ACADSB: variants seen among roughly 807,000 people sequenced by gnomAD.
The protein encoded by ACADSB is short/branched chain specific acyl-CoA dehydrogenase, mitochondrial.
Under a neutral mutation model 54.1 loss-of-function variants are expected in ACADSB, and 40 were observed. The observed-to-expected ratio is 0.74, with a 90% CI of 0.57 to 0.96. ACADSB has a LOEUF of 0.96. Ranked by LOEUF, ACADSB falls within the 40% of genes least tolerant of loss-of-function variation. The probability of loss-of-function intolerance (pLI) is 0.00; values close to 1 mark genes in which losing one functional copy is unlikely to be tolerated. For synonymous variants in ACADSB, 182 were observed against 182.8 expected (o/e 1.00, Z 0.03); for missense variants, 530 against 510.4 (o/e 1.04, Z -0.37).
At chr10:123,021,019 A>T (rs139478089) in intron 1 of ACADSB, among the ~76,000 whole-genome samples, 3 of 152,138 alleles carry the variant, frequency 2.0e-5, no homozygotes, top group African/African-American at 7.2e-5. Flanking sequence ...TAAATAAATA[A>T]ATACATACAT....
At position 123,034,362 on chromosome 10, in the gene ACADSB, A is replaced by T; in HGVS notation, c.49A>T (p.Arg17Ter). 6.2e-7 allele frequency: 1 copy of T among 1,613,806 alleles called. No homozygotes were observed. The highest frequency in any genetic ancestry group is 1.1e-5 in the South Asian group (1 of 91,080). ...RLLRGSRLLR[R>*]NFLTCLSSWK... Reference sequence around the variant, plus strand: ...GTGTGTATGTTCCCTACAGCTAAGAAGAAATTTCCTGACTTGTTTGTCTTC... The same window carrying T: ...GTGTGTATGTTCCCTACAGCTAAGATGAAATTTCCTGACTTGTTTGTCTTC... The change falls in exon 2 of 11, where the codon AGA (arginine) becomes TGA (stop). Residue 17 changes from arginine to a stop codon, truncating the protein, a stop_gained. Coordinates refer to ENST00000358776, the MANE Select transcript of ACADSB (RefSeq NM_001609.4). LOFTEE classifies it high-confidence loss of function.
intron 9 of ACADSB, among the ~76,000 whole-genome samples, chr10:123,051,881 C>T (rs148452863): frequency 6.8e-4 from 104 of 152,278 alleles, no homozygotes; most frequent in Non-Finnish European, 1.2e-3. Flanking sequence ...AGAACCTGAG[C>T]GTCATCTTGG....
Position 123,056,142 on chromosome 10 carries a change from T to C in ACADSB, c.*2377T>C. The stretch of plus-strand genomic sequence containing the variant: ...AAACTTGCTTTCATATTTTTGGCTA[T>C]CTTTTCAGCAATGCCCCACTCTACT... On this transcript the variant is annotated 3_prime_UTR_variant, in exon 11 of 11. Coordinates refer to ENST00000358776, the MANE Select transcript of ACADSB (RefSeq NM_001609.4). The C allele has an allele frequency of 6.3e-6, 1 of 157,626 alleles. No homozygotes were observed. The allele number at this position is 157,626 out of a possible 1,614,324, so 9.8% of individuals were successfully genotyped here.
In ACADSB at chr10:123,047,329, T is replaced by C. The variant is rs59973613; in HGVS notation, c.990+31T>C. 1,390 of 1,428,458 alleles carry C rather than the reference T, an allele frequency of 9.7e-4. 7 individuals carry two copies. In the African/African-American group the frequency reaches 0.017, roughly 18 times the overall value. The allele number at this position is 1,428,458 out of a possible 1,614,324, so 88.5% of individuals were successfully genotyped here. ...TAATTATTAGGGTCTTTCTGCTGTG[T>C]TAGACTTCCCCAGCTTCCTGTTAAT... On this transcript the variant is annotated intron_variant, in intron 8 of 10. Coordinates refer to ENST00000358776, the MANE Select transcript of ACADSB (RefSeq NM_001609.4).
intron 8 of ACADSB, among the ~76,000 whole-genome samples, chr10:123,049,937 A>G (rs7906723): frequency 0.98 from 149,809 of 152,328 alleles, 73,721 homozygotes; most frequent in Middle Eastern, 1. Context: ...CTTGAAATAT[A>G]CCATAAAGTG....
rs1371152121 is a variant in ACADSB at position 123,052,133 on chromosome 10, G to A, written c.1129-928G>A. 6.6e-6 allele frequency among the ~76,000 whole-genome samples: 1 copy of A among 152,088 alleles called. No individual in the cohort carries two copies. Among genetic ancestry groups the A allele is most frequent in the Non-Finnish European group, 1.5e-5 (1 of 68,028 alleles). ...CCTTCAGTGGCTTCTCACAACAAAT[G>A]GAGCTCTATCTGTACTAGATTCCAA... is the stretch of plus-strand genomic sequence containing the variant. On this transcript the variant is annotated intron_variant, in intron 9 of 10. Transcript: ENST00000358776. The surrounding 1 kb of genome is among the most constrained non-coding windows in gnomAD (Gnocchi z 4.2).
intron 1 of ACADSB, among the ~76,000 whole-genome samples, chr10:123,024,607 C>G (rs908417540): frequency 6.6e-6 from 1 of 152,238 alleles, no homozygotes; most frequent in Admixed American, 6.5e-5. Context: ...TGTAGGGTGT[C>G]CAGGTTCTTG....
At chr10:123,024,938 C>T (rs117821138) in intron 1 of ACADSB, among the ~76,000 whole-genome samples, 2,090 of 152,260 alleles carry the variant, frequency 0.014, 16 homozygotes, top group Non-Finnish European at 0.02. Flanking sequence ...CTAGGAAACC[C>T]TTAGGTTCCC....
chr10:123,037,132 T>C (rs1415534675), intron 2 of ACADSB, among the ~76,000 whole-genome samples: 1 of 152,190 alleles, frequency 6.6e-6, no homozygotes, highest in Non-Finnish European at 1.5e-5. Context: ...TGGCAGCTAG[T>C]GGGGCCGTGG....
At chr10:123,048,789 C>T (rs988474491) in intron 8 of ACADSB, among the ~76,000 whole-genome samples, 4 of 152,006 alleles carry the variant, frequency 2.6e-5, no homozygotes, top group South Asian at 2.1e-4. Flanking sequence ...AGTGCAGGGG[C>T]GCTATCTTGG....
intron 8 of ACADSB, among the ~76,000 whole-genome samples, chr10:123,048,666 C>T (rs1850591391): frequency 1.3e-5 from 2 of 151,820 alleles, no homozygotes. Flanking sequence ...TTAGAGATGC[C>T]TAGTATGGAT....
intron 1 of ACADSB, among the ~76,000 whole-genome samples, chr10:123,032,583 CTTTTTTTTT>C (rs889911796): frequency 9.4e-6 from 1 of 106,912 alleles, no homozygotes; most frequent in African/African-American, 3.6e-5. Flanking sequence ...AATTTCCATT[CTTTTTTTTT>C]TTTTTTTTTT....
chr10:123,009,159 G>A (rs1849959818), intron 1 of ACADSB, 88 bp downstream of exon 1: 27 of 1,421,468 alleles, frequency 1.9e-5, no homozygotes, highest in Non-Finnish European at 2.4e-5. Context: ...AACGGGCCTC[G>A]GGGCGCCGGC....
intron 7 of ACADSB, 66 bp from the exon 8 acceptor site, chr10:123,047,143 C>A: frequency 7.6e-7 from 1 of 1,316,740 alleles, no homozygotes; most frequent in Non-Finnish European, 1.1e-6. Context: ...AGAGGGAATT[C>A]ACAACTTGGA....
At chr10:123,033,904 C>T (rs1850361021) in intron 1 of ACADSB, among the ~76,000 whole-genome samples, 1 of 152,212 alleles carries the variant, frequency 6.6e-6, no homozygotes, top group Non-Finnish European at 1.5e-5. Flanking sequence ...TCTCTCAGCA[C>T]AGGGCAGGTA....
chr10:123,046,005 C>G (rs1313874937), intron 7 of ACADSB, among the ~76,000 whole-genome samples: 1 of 152,162 alleles, frequency 6.6e-6, no homozygotes, highest in Non-Finnish European at 1.5e-5. Flanking sequence ...GTAGTAGAAA[C>G]ATTTTACTGA....
chr10:123,038,494 G>A (rs1850427897), intron 3 of ACADSB, among the ~76,000 whole-genome samples: 1 of 152,164 alleles, frequency 6.6e-6, no homozygotes, highest in Non-Finnish European at 1.5e-5. Flanking sequence ...GTGAGTAGGG[G>A]GAGGGGCTAT....
chr10:123,043,550 C>T (rs767069608), intron 6 of ACADSB, among the ~76,000 whole-genome samples: 2 of 152,140 alleles, frequency 1.3e-5, no homozygotes, highest in Non-Finnish European at 2.9e-5. Flanking sequence ...TCAGTGAGAG[C>T]GGAAACAGCC....
At chr10:123,038,250 C>T (rs1850425471) in intron 3 of ACADSB, among the ~76,000 whole-genome samples, 2 of 152,120 alleles carry the variant, frequency 1.3e-5, no homozygotes, top group African/African-American at 4.8e-5. Context: ...ACAACTGCCA[C>T]AACAAAGAAT....
Sources: gnomAD v4.1 joint callset for allele counts (sites outside exome capture counted in the v4.1 genomes callset) on GRCh38, gnomAD v4.1.1 for gene constraint, Gnocchi (gnomAD v3.1) non-coding constraint, MANE v1.5 for transcripts, NCBI Gene and HGNC (gene_info 2026-07-23, HGNC 2026-07-21) for gene names.